Variants in ASIC2 observed in about 807,000 individuals in gnomAD.
ASIC2 encodes the protein acid-sensing ion channel 2.
A neutral mutation model predicts 57.3 loss-of-function variants in ASIC2; 25 were observed. The ratio of observed to expected loss-of-function variants is 0.44; its 90% CI spans 0.32 to 0.61. The LOEUF (loss-of-function observed/expected upper bound fraction) is 0.61. ASIC2 is among the 20% of genes least tolerant of loss of function. The probability of loss-of-function intolerance (pLI) is 0.06; values close to 1 mark genes in which losing one functional copy is unlikely to be tolerated. For synonymous variants in ASIC2, 319 were observed against 307.5 expected (o/e 1.04, Z -0.39); for missense variants, 641 against 738.1 (o/e 0.87, Z 1.52).
At position 33,711,261 on chromosome 17, in the gene ASIC2, C is replaced by T. The variant is rs529421874; in HGVS notation, c.555+444717G>A. Among the ~76,000 whole-genome samples the T allele has an allele frequency of 1.3e-3, 201 of 152,304 alleles. 1 individual carries two copies. Among genetic ancestry groups the T allele is most frequent in the African/African-American group, 4.5e-3 (186 of 41,554 alleles). ...CCTGGCAAAGCAAGGTGTTCCAACC[C>T]GTGTTGGTCTGTGATGTGCTGTTCA... is the stretch of plus-strand genomic sequence containing the variant. On this transcript the variant is annotated intron_variant, in intron 1 of 9. Transcript: ENST00000359872.
At chr17:34,024,611 C>T (rs1440753118) in intron 1 of ASIC2, among the ~76,000 whole-genome samples, 1 of 152,168 alleles carries the variant, frequency 6.6e-6, no homozygotes, top group Admixed American at 6.5e-5. Flanking sequence ...TTGCATTTCC[C>T]AGAAATTCTG....
intron 1 of ASIC2, among the ~76,000 whole-genome samples, chr17:33,742,745 A>G (rs1042862346): frequency 1.3e-5 from 2 of 152,158 alleles, no homozygotes; most frequent in African/African-American, 4.8e-5. Flanking sequence ...ATTGGTCACA[A>G]CTGAAGACAC....
intron 1 of ASIC2, among the ~76,000 whole-genome samples, chr17:33,239,865 G>C (rs1033163027): frequency 1.3e-5 from 2 of 152,302 alleles, no homozygotes; most frequent in Middle Eastern, 3.4e-3. Flanking sequence ...TGCACATGCT[G>C]TTCTTAAATG....
At chr17:34,041,986 C>T (rs939168171) in intron 1 of ASIC2, among the ~76,000 whole-genome samples, 1 of 152,178 alleles carries the variant, frequency 6.6e-6, no homozygotes, top group Non-Finnish European at 1.5e-5. Flanking sequence ...GGAAAATTTG[C>T]TCAACATCAT....
chr17:33,508,682 G>A (rs1445520409), intron 1 of ASIC2, among the ~76,000 whole-genome samples: 1 of 152,234 alleles, frequency 6.6e-6, no homozygotes, highest in African/African-American at 2.4e-5. Context: ...TGGCAGGTAG[G>A]AGCTTGAAGA....
At chr17:33,183,467 C>T (rs1203782658) in intron 1 of ASIC2, among the ~76,000 whole-genome samples, 2 of 152,124 alleles carry the variant, frequency 1.3e-5, no homozygotes, top group African/African-American at 4.8e-5. Flanking sequence ...TCAGAAGTTG[C>T]TGATGCATGA....
intron 2 of ASIC2, among the ~76,000 whole-genome samples, chr17:33,093,428 AAG>A (rs58579661): frequency 0.02 from 2,909 of 148,018 alleles, 69 homozygotes; most frequent in African/African-American, 0.064. Context: ...CAAGGACAGA[AAG>A]AGAGAGAGAG....
chr17:33,033,206 A>G (rs1415478691), intron 3 of ASIC2, among the ~76,000 whole-genome samples: 2 of 152,150 alleles, frequency 1.3e-5, no homozygotes, highest in Non-Finnish European at 2.9e-5. Flanking sequence ...TTAAGACTGG[A>G]GCTCCCCATG....
chr17:33,904,049 G>A (rs1222918545), intron 1 of ASIC2, among the ~76,000 whole-genome samples: 2 of 150,166 alleles, frequency 1.3e-5, no homozygotes, highest in Admixed American at 1.3e-4. Flanking sequence ...TGTAATTCCA[G>A]CTACTCGGGA....
intron 1 of ASIC2, among the ~76,000 whole-genome samples, chr17:33,361,671 T>A (rs77435383): frequency 0.025 from 3,821 of 152,152 alleles, 75 homozygotes; most frequent in Admixed American, 0.059. Flanking sequence ...AAGACTGAGG[T>A]TTAGAGAGTC....
chr17:34,152,316 A>G (rs1435644044), intron 1 of ASIC2, among the ~76,000 whole-genome samples: 2 of 152,224 alleles, frequency 1.3e-5, no homozygotes, highest in Admixed American at 6.5e-5. Flanking sequence ...GTATTTCTGT[A>G]CTTGGAGTCA....
At chr17:33,926,003 T>C (rs935772387) in intron 1 of ASIC2, among the ~76,000 whole-genome samples, 6 of 152,226 alleles carry the variant, frequency 3.9e-5, no homozygotes, top group African/African-American at 1.4e-4. Context: ...TAAATTATTA[T>C]CCAAATACAG....
At chr17:33,081,288 T>G (rs1266744486) in intron 3 of ASIC2, among the ~76,000 whole-genome samples, 2 of 152,236 alleles carry the variant, frequency 1.3e-5, no homozygotes, top group Admixed American at 6.5e-5. Context: ...TCTGGGGATC[T>G]GAAGATATTA....
intron 1 of ASIC2, among the ~76,000 whole-genome samples, chr17:33,721,826 C>T (rs1016267773): frequency 2.0e-5 from 3 of 152,124 alleles, no homozygotes; most frequent in African/African-American, 4.8e-5. Flanking sequence ...AGAGTGAACA[C>T]AAAGTGCTAA....
At chr17:33,574,265 T>C (rs550314092) in intron 1 of ASIC2, among the ~76,000 whole-genome samples, 3 of 152,368 alleles carry the variant, frequency 2.0e-5, no homozygotes, top group African/African-American at 7.2e-5. Flanking sequence ...GCCTTTGCTC[T>C]TGCTTTAATT....
chr17:33,452,441 C>T (rs1469255461), intron 1 of ASIC2, among the ~76,000 whole-genome samples: 1 of 152,220 alleles, frequency 6.6e-6, no homozygotes, highest in African/African-American at 2.4e-5. Context: ...CTCCACCTTC[C>T]CCTAAAATTT....
intron 1 of ASIC2, among the ~76,000 whole-genome samples, chr17:33,694,959 A>G (rs1430400446): frequency 6.6e-6 from 1 of 152,156 alleles, no homozygotes. Flanking sequence ...CTCAGCACCT[A>G]CTACTGACGG....
intron 1 of ASIC2, among the ~76,000 whole-genome samples, chr17:34,123,420 G>T (rs1251996283): frequency 6.6e-6 from 1 of 152,142 alleles, no homozygotes; most frequent in African/African-American, 2.4e-5. Flanking sequence ...GACTACCAGG[G>T]AGGGAGAGGG....
At chr17:34,132,839 C>A (rs912556057) in intron 1 of ASIC2, among the ~76,000 whole-genome samples, 1 of 152,166 alleles carries the variant, frequency 6.6e-6, no homozygotes, top group Non-Finnish European at 1.5e-5. Flanking sequence ...GGTAAAAAAT[C>A]AGGCCATACT....
Sources: allele counts gnomAD v4.1 joint callset (sites outside exome capture counted in the v4.1 genomes callset), GRCh38; gene constraint gnomAD v4.1.1; transcripts MANE v1.5; gene names NCBI Gene and HGNC (gene_info 2026-07-23, HGNC 2026-07-21).